The following TNFSF4 variants were observed in gnomAD, a reference collection of about 807,000 sequenced individuals.
TNFSF4 encodes the protein tumor necrosis factor ligand superfamily member 4.
In TNFSF4, 4 loss-of-function variants were observed where a neutral mutation model predicts 7.3. The observed-to-expected ratio is 0.55, with a 90% CI of 0.27 to 1.25. The LOEUF (loss-of-function observed/expected upper bound fraction) is 1.25. TNFSF4 is among the 50% of genes most tolerant of loss of function. TNFSF4 has a pLI of 0.12. For synonymous variants in TNFSF4, 76 were observed against 83.7 expected (o/e 0.91, Z 0.50); for missense variants, 181 against 208.8 (o/e 0.87, Z 0.82).
At chr1:173,186,947 G>A in intron 2 of TNFSF4, 82 bp from the exon 3 acceptor site, 1 of 944,574 alleles carries the variant, frequency 1.1e-6, no homozygotes, top group African/African-American at 1.6e-5. Flanking sequence ...TCTGGAATCA[G>A]ATGAAGAGAA....
upstream of TNFSF4, among the ~76,000 whole-genome samples, chr1:173,211,699 G>A (rs1287215403): frequency 6.6e-6 from 1 of 152,204 alleles, no homozygotes; most frequent in East Asian, 1.9e-4. Flanking sequence ...GCTGTCCTGT[G>A]AGGTAGTGAG....
chr1:173,306,264 A>G, the TNFSF4 span, among the ~76,000 whole-genome samples: 1 of 151,546 alleles, frequency 6.6e-6, no homozygotes, highest in Non-Finnish European at 1.5e-5. Context: ...AGTAATTAAA[A>G]CTCTATTCTC....
chr1:173,268,203 G>T, the TNFSF4 span, among the ~76,000 whole-genome samples: 1 of 152,194 alleles, frequency 6.6e-6, no homozygotes, highest in African/African-American at 2.4e-5. Flanking sequence ...GAAGGCTGGG[G>T]CCTTCAGACA....
the TNFSF4 span, among the ~76,000 whole-genome samples, chr1:173,407,925 AG>A: frequency 1.3e-5 from 2 of 152,184 alleles, no homozygotes; most frequent in African/African-American, 4.8e-5. Context: ...ATCAGGGCAG[AG>A]GTCCAGGTAT....
the TNFSF4 span, among the ~76,000 whole-genome samples, chr1:173,248,255 G>A: frequency 6.6e-6 from 1 of 152,000 alleles, no homozygotes; most frequent in Non-Finnish European, 1.5e-5. Flanking sequence ...TACCCAGGAG[G>A]TTGAGGCAGG....
chr1:173,328,463 C>T, the TNFSF4 span, among the ~76,000 whole-genome samples: 1 of 151,610 alleles, frequency 6.6e-6, no homozygotes, highest in Non-Finnish European at 1.5e-5. Flanking sequence ...ATGTAACAAA[C>T]CTGCACGTTG....
chr1:173,244,688 C>T, the TNFSF4 span, among the ~76,000 whole-genome samples: 2 of 151,246 alleles, frequency 1.3e-5, no homozygotes, highest in Non-Finnish European at 2.9e-5. Flanking sequence ...CATAAACCCT[C>T]GAATTAAAAA....
At chr1:173,431,036 G>A in the TNFSF4 span, among the ~76,000 whole-genome samples, 1 of 152,158 alleles carries the variant, frequency 6.6e-6, no homozygotes, top group African/African-American at 2.4e-5. Context: ...CTTAGAATGT[G>A]GTTCAGCCAG....
the TNFSF4 span, among the ~76,000 whole-genome samples, chr1:173,266,577 A>G: frequency 1.3e-5 from 2 of 152,124 alleles, no homozygotes; most frequent in African/African-American, 4.8e-5. Context: ...AAATTGAGCT[A>G]GATGCCTTTC....
At chr1:173,187,688 AG>A (rs1284422695) in intron 2 of TNFSF4, among the ~76,000 whole-genome samples, 2 of 152,172 alleles carry the variant, frequency 1.3e-5, no homozygotes, top group Non-Finnish European at 2.9e-5. Context: ...GAGAAAGAAA[AG>A]GAGGAAGTGG....
chr1:173,378,888 C>T, the TNFSF4 span, among the ~76,000 whole-genome samples: 1 of 150,490 alleles, frequency 6.6e-6, no homozygotes, highest in Admixed American at 6.6e-5. Context: ...CCCCCCCCAC[C>T]ACAGGCTATC....
chr1:173,268,282 T>C, the TNFSF4 span, among the ~76,000 whole-genome samples: 22 of 152,084 alleles, frequency 1.4e-4, no homozygotes, highest in African/African-American at 4.8e-4. Context: ...CTTCATGAGG[T>C]TCATTAATCA....
the TNFSF4 span, among the ~76,000 whole-genome samples, chr1:173,234,058 G>A: frequency 6.6e-6 from 1 of 152,038 alleles, no homozygotes; most frequent in East Asian, 1.9e-4. Flanking sequence ...TCTGACAAAG[G>A]GCTAATATCC....
chr1:173,186,406 A>T lies in TNFSF4; in HGVS notation c.*110T>A. On this transcript the variant is annotated 3_prime_UTR_variant, in exon 3 of 3. Coordinates refer to ENST00000281834, the MANE Select transcript of TNFSF4 (RefSeq NM_003326.5). ...CAGGATCTGCTTCTTGTCACATCCCACGTGGCTGAGCTGGGAGGCTCCTTC... is the reference window on the plus strand; with the variant it reads ...CAGGATCTGCTTCTTGTCACATCCCTCGTGGCTGAGCTGGGAGGCTCCTTC... 1.2e-6 allele frequency: 1 copy of T among 857,762 alleles called. No individual in the cohort carries two copies. Among genetic ancestry groups the T allele is most frequent in the Non-Finnish European group, 1.8e-6 (1 of 558,988 alleles). The allele number at this position is 857,762 out of a possible 1,614,324, so 53.1% of individuals were successfully genotyped here.
chr1:173,415,863 T>C, the TNFSF4 span, among the ~76,000 whole-genome samples: 1 of 152,250 alleles, frequency 6.6e-6, no homozygotes, highest in African/African-American at 2.4e-5. Flanking sequence ...GTTTTGTTCA[T>C]AGTATTTTTG....
the TNFSF4 span, among the ~76,000 whole-genome samples, chr1:173,232,593 T>C: frequency 6.6e-6 from 1 of 152,250 alleles, no homozygotes; most frequent in Non-Finnish European, 1.5e-5. Context: ...CAGTATGATA[T>C]TGGCTGTGGG....
the TNFSF4 span, among the ~76,000 whole-genome samples, chr1:173,377,960 A>G: frequency 6.6e-6 from 1 of 152,212 alleles, no homozygotes; most frequent in Non-Finnish European, 1.5e-5. Flanking sequence ...TAAAGTCCCA[A>G]TACTAACAGC....
chr1:173,262,757 C>T, the TNFSF4 span, among the ~76,000 whole-genome samples: 12 of 151,950 alleles, frequency 7.9e-5, no homozygotes, highest in African/African-American at 2.4e-4. Context: ...CGCCTGCCAC[C>T]GCGCCTGGCT....
chr1:173,225,091 G>A, the TNFSF4 span, among the ~76,000 whole-genome samples: 4 of 152,140 alleles, frequency 2.6e-5, no homozygotes, highest in Non-Finnish European at 5.9e-5. Context: ...TTTCAGAACT[G>A]TGTCTCATAC....
Sources: allele counts gnomAD v4.1 joint callset (sites outside exome capture counted in the v4.1 genomes callset), GRCh38; gene constraint gnomAD v4.1.1; transcripts MANE v1.5; gene names NCBI Gene and HGNC (gene_info 2026-07-23, HGNC 2026-07-21).